The following ANXA8 variants were observed in gnomAD, a reference collection of about 807,000 sequenced individuals.
The protein encoded by ANXA8 is annexin A8.
ANXA8 carries 9 observed loss-of-function variants against 26.8 expected under a neutral mutation model. That is an observed-to-expected ratio of 0.34 (90% CI 0.20 to 0.59). The LOEUF is 0.59. ANXA8 is among the 20% of genes least tolerant of loss of function. The probability of loss-of-function intolerance (pLI) is 0.84; values close to 1 mark genes in which losing one functional copy is unlikely to be tolerated. For synonymous variants in ANXA8, 39 were observed against 94.8 expected (o/e 0.41, Z 3.42); for missense variants, 83 against 238.5 (o/e 0.35, Z 4.29).
chr10:47,478,496 G>A, intron 3 of ANXA8, 37 bp downstream of exon 3: 1 of 655,034 alleles, frequency 1.5e-6, no homozygotes, highest in Admixed American at 2.2e-5. Flanking sequence ...CAACCCCAAG[G>A]CTCACCTATC....
chr10:47,563,760 C>T, the ANXA8 span: 2 of 809,964 alleles, frequency 2.5e-6, no homozygotes, highest in Non-Finnish European at 4.4e-6. Flanking sequence ...TGTTAAGATG[C>T]TATAGAAATA....
the ANXA8 span, among the ~76,000 whole-genome samples, chr10:47,918,428 A>AGAAAGAAAGAAAG: frequency 5.2e-4 from 18 of 34,648 alleles, 7 homozygotes; most frequent in Admixed American, 8.3e-4. Flanking sequence ...AAAGAAAGAA[A>AGAAAGAAAGAAAG]GAAAGAGAGA....
At position 47,468,840 on chromosome 10, in the gene ANXA8, C is replaced by G. The variant is rs1399810520; in HGVS notation, c.*7G>C. On this transcript the variant is annotated 3_prime_UTR_variant, in exon 12 of 12. Coordinates refer to ENST00000585281, the MANE Select transcript of ANXA8 (RefSeq NM_001040084.3). ...CTTCATGGTCTTTGCTCTTGTTCTT[C>G]TGTGCCTCAGGGGTCGCTGCCCACC... 1.2e-5 allele frequency: 20 copies of G among 1,610,466 alleles called. No homozygotes were observed. Among genetic ancestry groups the G allele is most frequent in the Non-Finnish European group, 1.0e-5 (12 of 1,179,598 alleles).
the ANXA8 span, among the ~76,000 whole-genome samples, chr10:47,555,807 A>C: frequency 2.0e-5 from 3 of 152,038 alleles, no homozygotes; most frequent in Non-Finnish European, 2.9e-5. Context: ...AGTGTGGAAA[A>C]CCCACACATT....
At chr10:47,694,688 G>A in the ANXA8 span, among the ~76,000 whole-genome samples, 1 of 151,658 alleles carries the variant, frequency 6.6e-6, no homozygotes, top group South Asian at 2.1e-4. Flanking sequence ...CAAAGTTCTG[G>A]GATTACAGGC....
the ANXA8 span, among the ~76,000 whole-genome samples, chr10:47,694,596 T>G: frequency 1.3e-5 from 2 of 151,568 alleles, no homozygotes; most frequent in African/African-American, 2.4e-5. Context: ...AATTTTTGTA[T>G]TTTTAGTAGA....
the ANXA8 span, among the ~76,000 whole-genome samples, chr10:47,607,616 A>G: frequency 9.4e-6 from 1 of 106,464 alleles, no homozygotes; most frequent in African/African-American, 4.3e-5. Context: ...GCTAATACAT[A>G]TATTATTTGA....
chr10:47,473,929 G>A, intron 9 of ANXA8, 41 bp downstream of exon 9: 1 of 414,274 alleles, frequency 2.4e-6, no homozygotes, highest in Non-Finnish European at 4.0e-6. Context: ...GCCCCACGGT[G>A]AGCCCTGTGG....
intron 4 of ANXA8, 52 bp downstream of exon 4, chr10:47,477,028 TA>T: frequency 6.4e-7 from 1 of 1,573,516 alleles, no homozygotes; most frequent in Non-Finnish European, 8.6e-7. Flanking sequence ...GCATTGCCCC[TA>T]CCCAGTCATG....
chr10:47,743,327 T>TATATATACATATATATATACAC, the ANXA8 span, among the ~76,000 whole-genome samples: 4 of 40,336 alleles, frequency 9.9e-5, no homozygotes, highest in East Asian at 1.4e-3. Flanking sequence ...TATATATATA[T>TATATATACATATATATATACAC]ACATATATAT....
the ANXA8 span, chr10:47,751,082 T>C: frequency 1.3e-5 from 2 of 151,154 alleles, no homozygotes; most frequent in African/African-American, 4.9e-5. Flanking sequence ...AAAAATCCTA[T>C]AACAACCATC....
At chr10:47,691,250 T>C in the ANXA8 span, 1 of 1,299,642 alleles carries the variant, frequency 7.7e-7, no homozygotes. Context: ...TATGGTATAG[T>C]GGTAGCTTAT....
chr10:47,930,524 TTAACCATCCTGTAAAAATA>T, the ANXA8 span, among the ~76,000 whole-genome samples: 1 of 143,878 alleles, frequency 7.0e-6, no homozygotes, highest in Non-Finnish European at 1.5e-5. Flanking sequence ...GACTAATTTT[TTAACCATCCTGTAAAAATA>T]TAACCATCCT....
At chr10:47,518,344 T>TACTAATATGTC in the ANXA8 span, among the ~76,000 whole-genome samples, 1 of 48,642 alleles carries the variant, frequency 2.1e-5, no homozygotes, top group Admixed American at 2.7e-4. Flanking sequence ...AGTGGTTATC[T>TACTAATATGTC]ACTAATATGT....
At chr10:47,777,551 A>G in the ANXA8 span, among the ~76,000 whole-genome samples, 1 of 152,202 alleles carries the variant, frequency 6.6e-6, no homozygotes, top group Non-Finnish European at 1.5e-5. Flanking sequence ...AATAAGATAA[A>G]CATGGTGGGA....
chr10:47,727,260 A>G, the ANXA8 span, among the ~76,000 whole-genome samples: 2 of 152,296 alleles, frequency 1.3e-5, no homozygotes, highest in African/African-American at 2.4e-5. Flanking sequence ...GTATGACATA[A>G]TATATATGAA....
the ANXA8 span, among the ~76,000 whole-genome samples, chr10:47,758,896 GC>G: frequency 2.6e-4 from 4 of 15,326 alleles, no homozygotes; most frequent in Non-Finnish European, 5.8e-4. Flanking sequence ...CCAGCTCTCA[GC>G]CAGGGCGGAA....
the ANXA8 span, among the ~76,000 whole-genome samples, chr10:47,700,478 T>C: frequency 6.6e-6 from 1 of 151,828 alleles, no homozygotes; most frequent in South Asian, 2.1e-4. Context: ...TGGACACGTA[T>C]CTCACAACAA....
the ANXA8 span, chr10:47,692,700 T>C: frequency 7.3e-6 from 1 of 136,850 alleles, no homozygotes; most frequent in Non-Finnish European, 1.6e-5. Context: ...TAGCCAGGAC[T>C]ACAGGCACGC....
Sources: gnomAD v4.1 joint callset for allele counts (sites outside exome capture counted in the v4.1 genomes callset) on GRCh38, gnomAD v4.1.1 for gene constraint, MANE v1.5 for transcripts, NCBI Gene and HGNC (gene_info 2026-07-23, HGNC 2026-07-21) for gene names.